GATAD2B: variants seen among roughly 807,000 people sequenced by gnomAD.
GATAD2B encodes transcriptional repressor p66-beta.
Under a neutral mutation model 64.3 loss-of-function variants are expected in GATAD2B, and 8 were observed. The ratio of observed to expected loss-of-function variants is 0.12; its 90% CI spans 0.07 to 0.22. The LOEUF is 0.22. Among genes scored for constraint, GATAD2B ranks in the 10% least tolerant of loss-of-function variants. The pLI is 1.00. For synonymous variants in GATAD2B, 281 were observed against 271.3 expected (o/e 1.04, Z -0.35); for missense variants, 453 against 752.0 (o/e 0.60, Z 4.65).
chr1:153,920,574 G>A (rs1678400367), intron 1 of GATAD2B, among the ~76,000 whole-genome samples: 1 of 152,284 alleles, frequency 6.6e-6, no homozygotes, highest in South Asian at 2.1e-4. Flanking sequence ...ACCCTACTGG[G>A]ACTGCCTCTA....
intron 1 of GATAD2B, among the ~76,000 whole-genome samples, chr1:153,855,778 C>T (rs1419964895): frequency 6.6e-6 from 1 of 151,878 alleles, no homozygotes; most frequent in Non-Finnish European, 1.5e-5. Flanking sequence ...GCAGCTCAAG[C>T]GATTCTCCCA....
rs1031622080 is a variant in GATAD2B at position 153,914,452 on chromosome 1, G to C, written c.-2+8281C>G. On this transcript the variant is annotated intron_variant, in intron 1 of 10. Coordinates refer to ENST00000368655, the MANE Select transcript of GATAD2B (RefSeq NM_020699.4). ...CAGAGACTTCAAGTGACTCAACCAA[G>C]GTCACACAGATGGTAAATGGCAGAA... Among the ~76,000 whole-genome samples, 33 of 152,094 alleles carry C rather than the reference G, an allele frequency of 2.2e-4. 1 individual carries two copies. Among genetic ancestry groups the C allele is most frequent in the African/African-American group, 8.0e-4 (33 of 41,398 alleles).
chr1:153,892,063 G>C (rs1178913893), intron 1 of GATAD2B, among the ~76,000 whole-genome samples: 1 of 151,242 alleles, frequency 6.6e-6, no homozygotes, highest in Non-Finnish European at 1.5e-5. Flanking sequence ...TACTCGGGAG[G>C]CTGAGGCAGG....
chr1:153,897,638 T>C (rs76550467), intron 1 of GATAD2B, among the ~76,000 whole-genome samples: 3,051 of 152,236 alleles, frequency 0.02, 109 homozygotes, highest in African/African-American at 0.07. Context: ...AAGTGTAAGT[T>C]TCTGCTTAAG....
intron 1 of GATAD2B, among the ~76,000 whole-genome samples, chr1:153,877,626 C>T (rs1180065881): frequency 6.6e-6 from 1 of 151,940 alleles, no homozygotes; most frequent in East Asian, 1.9e-4. Flanking sequence ...GCCTGTAATC[C>T]CAGCACTTTG....
chr1:153,887,977 A>T (rs11589043), intron 1 of GATAD2B, among the ~76,000 whole-genome samples: 44,257 of 151,530 alleles, frequency 0.29, 6,682 homozygotes, highest in Admixed American at 0.39. Flanking sequence ...ATCCCAGCTA[A>T]TCAGGAGGTT....
chr1:153,825,048 A>C (rs888857530), intron 2 of GATAD2B, among the ~76,000 whole-genome samples: 3 of 152,192 alleles, frequency 2.0e-5, no homozygotes, highest in African/African-American at 7.2e-5. Context: ...ATCATGCCAC[A>C]CTGCACTCCA....
At chr1:153,839,232 G>A (rs758509175) in intron 1 of GATAD2B, among the ~76,000 whole-genome samples, 71 of 150,196 alleles carry the variant, frequency 4.7e-4, no homozygotes, top group Admixed American at 1.3e-3. Flanking sequence ...TAAGAAACAA[G>A]AATGCCAAAT....
chr1:153,855,671 CTTATT>C (rs1676060069), intron 1 of GATAD2B, among the ~76,000 whole-genome samples: 1 of 151,960 alleles, frequency 6.6e-6, no homozygotes, highest in African/African-American at 2.4e-5. Flanking sequence ...ATGGCTCCTA[CTTATT>C]TTATATATTT....
Position 153,804,871 on chromosome 1 carries a change from T to C in GATAD2B, c.*5306A>G, listed in dbSNP as rs1454094794. 1 of 152,642 alleles carries C rather than the reference T, an allele frequency of 6.6e-6. No homozygotes were observed. The highest frequency in any genetic ancestry group is 6.5e-5 in the Admixed American group (1 of 15,282). The allele number at this position is 152,642 out of a possible 1,614,324, so 9.5% of individuals were successfully genotyped here. A position where few individuals can be genotyped will look rare whatever the true frequency, so the allele number is the denominator to read the frequency against. On this transcript the variant is annotated 3_prime_UTR_variant, in exon 11 of 11. Coordinates refer to ENST00000368655, the MANE Select transcript of GATAD2B (RefSeq NM_020699.4). ...AATGCTCAGCAGCATCTGAAACAGA[T>C]GGGAGTGTATTTGCCTTTTTGAAAA...
In GATAD2B at chr1:153,831,449, C is replaced by A. The variant is rs142542195; in HGVS notation, c.-1-3101G>T. Among the ~76,000 whole-genome samples the A allele has an allele frequency of 4.1e-3, 623 of 152,090 alleles. 5 individuals carry two copies. The highest frequency in any genetic ancestry group is 0.014 in the African/African-American group (584 of 41,466). On this transcript the variant is annotated intron_variant, in intron 1 of 10. Transcript: ENST00000368655. The stretch of plus-strand genomic sequence containing the variant: ...TGCAAACCACCATGGCACATGTATA[C>A]CTATGTAATAAACCTTCAGGTTCTG...
intron 1 of GATAD2B, among the ~76,000 whole-genome samples, chr1:153,870,536 G>T (rs1020854852): frequency 3.9e-5 from 6 of 152,104 alleles, no homozygotes; most frequent in African/African-American, 1.4e-4. Context: ...TCGCGTCACT[G>T]CACTCCAGCC....
chr1:153,824,300 T>G (rs1185049403), intron 2 of GATAD2B, among the ~76,000 whole-genome samples: 1 of 151,834 alleles, frequency 6.6e-6, no homozygotes, highest in Non-Finnish European at 1.5e-5. Context: ...TTTAAATGAT[T>G]TTTAAAAATC....
chr1:153,911,339 A>C (rs927782855), intron 1 of GATAD2B, among the ~76,000 whole-genome samples: 2 of 152,238 alleles, frequency 1.3e-5, no homozygotes, highest in African/African-American at 4.8e-5. Flanking sequence ...CAAAGTCTTC[A>C]CAATAACCAA....
chr1:153,862,874 G>A (rs992822709), intron 1 of GATAD2B, among the ~76,000 whole-genome samples: 10 of 151,680 alleles, frequency 6.6e-5, no homozygotes, highest in African/African-American at 1.9e-4. Context: ...ACAGGCATGC[G>A]CCACCATACC....
chr1:153,900,800 G>A lies in GATAD2B; in HGVS notation c.-2+21933C>T, dbSNP rs143972046. ...GCATGAAAACAACCAAAGACAATAT[G>A]AAAAAAAATGAGCATAGTTATTTCC... is the stretch of plus-strand genomic sequence containing the variant. On this transcript the variant is annotated intron_variant, in intron 1 of 10. Transcript: ENST00000368655. Among the ~76,000 whole-genome samples the A allele has an allele frequency of 1.9e-3, 287 of 151,650 alleles. 2 individuals carry two copies. The highest frequency in any genetic ancestry group is 6.5e-3 in the African/African-American group (271 of 41,412).
rs542981712 is a variant in GATAD2B at position 153,862,096 on chromosome 1, C to T, written c.-1-33748G>A. ...CTTACATTAGTTTTTCAGTTTACAA[C>T]GTATTTTACATACATTATATCCTTT... On this transcript the variant is annotated intron_variant, in intron 1 of 10. Transcript: ENST00000368655. Among the ~76,000 whole-genome samples, 385 of 142,100 alleles carry T rather than the reference C, an allele frequency of 2.7e-3. 4 individuals carry two copies. Among genetic ancestry groups the T allele is most frequent in the Middle Eastern group, 3.8e-3 (1 of 264 alleles). The allele number at this position is 142,100 out of a possible 152,430, so 93.2% of individuals were successfully genotyped here.
intron 1 of GATAD2B, among the ~76,000 whole-genome samples, chr1:153,853,668 G>A (rs185805441): frequency 1.4e-4 from 21 of 152,182 alleles, no homozygotes; most frequent in Admixed American, 4.6e-4. Context: ...TCATATCCAC[G>A]AAATCATTGC....
intron 1 of GATAD2B, among the ~76,000 whole-genome samples, chr1:153,877,024 AAAG>A (rs1441286578): frequency 1.3e-5 from 2 of 151,980 alleles, no homozygotes; most frequent in African/African-American, 4.8e-5. Context: ...TCAAAAAAGA[AAAG>A]AAGAACAGGC....
Sources: gnomAD v4.1 joint callset for allele counts (sites outside exome capture counted in the v4.1 genomes callset) on GRCh38, gnomAD v4.1.1 for gene constraint, MANE v1.5 for transcripts, NCBI Gene and HGNC (gene_info 2026-07-23, HGNC 2026-07-21) for gene names.